KATNIP: variants seen among roughly 807,000 people sequenced by gnomAD.
The protein encoded by KATNIP is katanin-interacting protein.
KATNIP carries 126 observed loss-of-function variants against 174.0 expected under a neutral mutation model. The ratio of observed to expected loss-of-function variants is 0.72; its 90% CI spans 0.63 to 0.84. The LOEUF (loss-of-function observed/expected upper bound fraction) is 0.84, where lower values mean the gene tolerates loss of function less well. KATNIP is among the 40% of genes least tolerant of loss of function. The pLI, the probability that KATNIP is intolerant of heterozygous loss-of-function variation, is 0.00. For synonymous variants in KATNIP, 810 were observed against 835.7 expected (o/e 0.97, Z 0.53); for missense variants, 1,958 against 2,109.7 (o/e 0.93, Z 1.41).
chr16:27,706,026 A>G (rs2079287090), intron 12 of KATNIP, among the ~76,000 whole-genome samples: 1 of 152,206 alleles, frequency 6.6e-6, no homozygotes, highest in South Asian at 2.1e-4. Flanking sequence ...AAACTGACTT[A>G]TACAACAAAG....
At chr16:27,759,159 G>C (rs749383882) in intron 18 of KATNIP, among the ~76,000 whole-genome samples, 1 of 152,154 alleles carries the variant, frequency 6.6e-6, no homozygotes, top group African/African-American at 2.4e-5. Context: ...GGGCTCCGGG[G>C]ATACAGCAGT....
chr16:27,702,519 T>G (rs563046167), intron 11 of KATNIP, among the ~76,000 whole-genome samples: 2 of 152,276 alleles, frequency 1.3e-5, no homozygotes, highest in South Asian at 4.1e-4. Flanking sequence ...AGACACACTC[T>G]GAGGGCCACT....
chr16:27,774,908 A>G, intron 23 of KATNIP, 37 bp from the exon 24 acceptor site: 1 of 1,612,242 alleles, frequency 6.2e-7, no homozygotes, highest in Non-Finnish European at 8.5e-7. Flanking sequence ...CCCCGAGCAC[A>G]CAGATTTGGG....
intron 1 of KATNIP, among the ~76,000 whole-genome samples, chr16:27,553,622 T>G (rs1326021319): frequency 6.6e-6 from 1 of 152,110 alleles, no homozygotes; most frequent in Non-Finnish European, 1.5e-5. Context: ...CAAGACCAGC[T>G]TCGTCAACAT....
chr16:27,616,161 C>A (rs905458331), intron 2 of KATNIP, among the ~76,000 whole-genome samples: 3 of 152,256 alleles, frequency 2.0e-5, no homozygotes, highest in Non-Finnish European at 4.4e-5. Flanking sequence ...CACCTGAGTT[C>A]AGGAGTTTAA....
chr16:27,628,600 G>C (rs537685752), intron 3 of KATNIP, 61 bp from the exon 4 acceptor site: 2 of 1,557,564 alleles, frequency 1.3e-6, no homozygotes, highest in African/African-American at 2.7e-5. Context: ...TCCTGGCTTG[G>C]GGGTACAGCA....
At chr16:27,600,386 T>G (rs2075477022) in intron 2 of KATNIP, among the ~76,000 whole-genome samples, 1 of 152,178 alleles carries the variant, frequency 6.6e-6, no homozygotes, top group Non-Finnish European at 1.5e-5. Flanking sequence ...TGCACTGCCC[T>G]ACACTTGAGA....
chr16:27,723,735 G>C (rs930904071), intron 14 of KATNIP, among the ~76,000 whole-genome samples: 1 of 152,158 alleles, frequency 6.6e-6, no homozygotes, highest in Non-Finnish European at 1.5e-5. Context: ...TGGCTTGCAC[G>C]AGACCACATG....
Position 27,618,496 on chromosome 16 carries a change from G to T in KATNIP, c.135G>T (p.Arg45Ser), listed in dbSNP as rs745620165. The T allele has an allele frequency of 1.2e-6, 2 of 1,609,132 alleles. No individual in the cohort carries two copies. Among genetic ancestry groups the T allele is most frequent in the South Asian group, 1.1e-5 (1 of 90,924 alleles). Reference protein sequence around the residue: ...HDEYLILLQQRNRILKHLKSK... With the variant: ...HDEYLILLQQSNRILKHLKSK... ...AGTATTTAATATTGCTTCAGCAGAG[G>T]AACCGGTAAGAGAAGCCACTCGACG... Residue 45 changes from arginine (R) to serine (S), a missense_variant, in exon 3 of 28, where the codon AGG becomes AGT. This residue lies in a region of KATNIP where 1,557 missense variants were observed against 1,617.8 expected (regional missense o/e 0.96). Coordinates refer to ENST00000261588, the MANE Select transcript of KATNIP (RefSeq NM_015202.5).
In KATNIP at chr16:27,701,544, G is replaced by A. The variant is rs142172075; in HGVS notation, c.1180-45G>A. The A allele has an allele frequency of 8.3e-6, 12 of 1,439,724 alleles. No individual in the cohort carries two copies. The African/African-American group carries it at 1.4e-4, about 17-fold the overall frequency. 89.2% of individuals were successfully genotyped at this position (1,439,724 alleles called of 1,614,324 possible). ...GTGACCCTGCTGTGTCTTAGGCCAG[G>A]AGTGTTGCCTGAGACATCTGTTTAA... On this transcript the variant is annotated intron_variant, in intron 10 of 27. Coordinates refer to ENST00000261588, the MANE Select transcript of KATNIP (RefSeq NM_015202.5).
At chr16:27,609,207 C>G (rs1385764717) in intron 2 of KATNIP, among the ~76,000 whole-genome samples, 1 of 151,918 alleles carries the variant, frequency 6.6e-6, no homozygotes, top group African/African-American at 2.4e-5. Context: ...AATTCTCATT[C>G]TAGTGCAAGG....
At chr16:27,656,958 A>G (rs1232490408) in intron 6 of KATNIP, among the ~76,000 whole-genome samples, 1 of 152,104 alleles carries the variant, frequency 6.6e-6, no homozygotes, top group African/African-American at 2.4e-5. Context: ...TCCTAAAAAA[A>G]AACACAATAA....
At chr16:27,758,575 T>C (rs542962561) in intron 18 of KATNIP, among the ~76,000 whole-genome samples, 4 of 152,334 alleles carry the variant, frequency 2.6e-5, no homozygotes, top group Admixed American at 2.0e-4. Context: ...GGCTTCTCGA[T>C]ATGATCTAGC....
intron 2 of KATNIP, among the ~76,000 whole-genome samples, chr16:27,609,998 G>A (rs1271946909): frequency 5.3e-5 from 8 of 152,140 alleles, no homozygotes; most frequent in South Asian, 2.1e-4. Context: ...GGAGCTTGGC[G>A]GGTGTTGAGG....
chr16:27,683,677 G>A (rs2078426844), intron 8 of KATNIP, among the ~76,000 whole-genome samples: 2 of 152,218 alleles, frequency 1.3e-5, no homozygotes, highest in South Asian at 4.1e-4. Context: ...GGTGAGATGG[G>A]AGCTGGGAAA....
Position 27,678,487 on chromosome 16 carries a change from CCTT to C in KATNIP, c.808+494_808+496del, listed in dbSNP as rs546756576. Among the ~76,000 whole-genome samples, 372 of 152,286 alleles carry C rather than the reference CCTT, an allele frequency of 2.4e-3. 1 individual carries two copies. Among genetic ancestry groups the C allele is most frequent in the African/African-American group, 8.6e-3 (357 of 41,564 alleles). ...ATCTCCCTCTCCCTCTTGCTCTCCTCCTTCTCTGCTTTCCTGTGTCTTGCTTCC... is the reference window on the plus strand; with the variant it reads ...ATCTCCCTCTCCCTCTTGCTCTCCTCCTCTGCTTTCCTGTGTCTTGCTTCC... On this transcript the variant is annotated intron_variant, in intron 7 of 27. Coordinates refer to ENST00000261588, the MANE Select transcript of KATNIP (RefSeq NM_015202.5).
At position 27,774,899 on chromosome 16, in the gene KATNIP, C is replaced by T. The variant is rs191844781; in HGVS notation, c.4310-46C>T. 5.0e-3 allele frequency: 8,050 copies of T among 1,611,860 alleles called. 34 individuals carry two copies. Among genetic ancestry groups the T allele is most frequent in the Non-Finnish European group, 6.0e-3 (7,087 of 1,179,044 alleles). On this transcript the variant is annotated intron_variant, in intron 23 of 27. Transcript: ENST00000261588. ...CATCAGCCTGAGGGTGGCTGGCAGC[C>T]CCGAGCACACAGATTTGGGTTATGG...
chr16:27,655,082 T>C (rs1218746672), intron 6 of KATNIP, among the ~76,000 whole-genome samples: 1 of 150,408 alleles, frequency 6.6e-6, no homozygotes, highest in East Asian at 2.0e-4. Context: ...TGAGCTATGA[T>C]TGTGCTACTG....
intron 15 of KATNIP, among the ~76,000 whole-genome samples, chr16:27,748,216 G>A (rs1354967765): frequency 6.6e-6 from 1 of 152,240 alleles, no homozygotes; most frequent in African/African-American, 2.4e-5. Flanking sequence ...ACGCACCTGG[G>A]ACACAGGCTT....
Sources: allele counts gnomAD v4.1 joint callset (sites outside exome capture counted in the v4.1 genomes callset), GRCh38; gene constraint gnomAD v4.1.1; regional missense constraint gnomAD v4.1.1; transcripts MANE v1.5; gene names NCBI Gene and HGNC (gene_info 2026-07-23, HGNC 2026-07-21).